Variants in PTBP3 observed in about 807,000 individuals in gnomAD.
PTBP3 encodes polypyrimidine tract binding protein 3, also known as polypyrimidine tract-binding protein 3.
In PTBP3, 20 loss-of-function variants were observed where a neutral mutation model predicts 58.7. That is an observed-to-expected ratio of 0.34 (90% confidence interval 0.24 to 0.50). PTBP3 has a LOEUF of 0.50. PTBP3 is among the 20% of genes least tolerant of loss of function. The pLI, the probability that PTBP3 is intolerant of heterozygous loss-of-function variation, is 0.98. For synonymous variants in PTBP3, 185 were observed against 219.8 expected (o/e 0.84, Z 1.40); for missense variants, 509 against 637.2 (o/e 0.80, Z 2.17).
intron 1 of PTBP3, among the ~76,000 whole-genome samples, chr9:112,322,432 G>A (rs1829993596): frequency 6.6e-6 from 1 of 152,128 alleles, no homozygotes; most frequent in Non-Finnish European, 1.5e-5. Context: ...TAATCAAAAG[G>A]CTATGGAATG....
rs1021868552 is a variant in PTBP3, at chr9:112,231,259, T to G, written c.1054+121A>C. The G allele has an allele frequency of 1.0e-5, 7 of 694,836 alleles. No individual in the cohort carries two copies. In the Admixed American group the frequency reaches 1.1e-4, roughly 11 times the overall value. 43.0% of individuals were successfully genotyped at this position (694,836 alleles called of 1,614,324 possible). The stretch of plus-strand genomic sequence containing the variant: ...TTACTTACTAAGTCTTATTCACTGT[T>G]TTATCCTCAGTGTCAGCACAATACT... On this transcript the variant is annotated intron_variant, in intron 10 of 13. Coordinates refer to ENST00000374257, the MANE Select transcript of PTBP3 (RefSeq NM_001163788.4).
At chr9:112,291,120 G>A (rs1828401134) in intron 2 of PTBP3, among the ~76,000 whole-genome samples, 1 of 151,866 alleles carries the variant, frequency 6.6e-6, no homozygotes, top group Admixed American at 6.6e-5. Context: ...TACTTGGGAG[G>A]CTGAGGCAGG....
chr9:112,288,167 G>A (rs376900328), intron 2 of PTBP3, among the ~76,000 whole-genome samples: 1 of 152,150 alleles, frequency 6.6e-6, no homozygotes, highest in African/African-American at 2.4e-5. Flanking sequence ...TTCAGTCCAT[G>A]TCTCCTCTGG....
At chr9:112,228,856 G>C (rs1835094072) in intron 10 of PTBP3, among the ~76,000 whole-genome samples, 1 of 152,116 alleles carries the variant, frequency 6.6e-6, no homozygotes, top group South Asian at 2.1e-4. Flanking sequence ...AGCACCCATT[G>C]ATTCTATGGT....
chr9:112,265,907 A>G (rs548008329), intron 4 of PTBP3, among the ~76,000 whole-genome samples: 43 of 152,350 alleles, frequency 2.8e-4, no homozygotes, highest in African/African-American at 9.6e-4. Context: ...CCTAATAGAA[A>G]TAAGAACAAC....
At chr9:112,303,406 A>C (rs1313743006) in intron 1 of PTBP3, among the ~76,000 whole-genome samples, 2 of 152,234 alleles carry the variant, frequency 1.3e-5, no homozygotes, top group Non-Finnish European at 2.9e-5. Flanking sequence ...TCAATAACAT[A>C]ATTTTGTCAA....
the PTBP3 span, among the ~76,000 whole-genome samples, chr9:112,345,368 A>AAAG: frequency 9.1e-6 from 1 of 110,440 alleles, no homozygotes; most frequent in East Asian, 2.5e-4. Context: ...AAAAAAAAAA[A>AAAG]AAGGAAAAAA....
At chr9:112,285,524 T>G (rs950174105) in intron 2 of PTBP3, among the ~76,000 whole-genome samples, 3 of 152,192 alleles carry the variant, frequency 2.0e-5, no homozygotes, top group Non-Finnish European at 4.4e-5. Flanking sequence ...GGTTAAAAAT[T>G]TCTATATTAG....
intron 2 of PTBP3, among the ~76,000 whole-genome samples, chr9:112,284,790 T>C (rs998836987): frequency 9.9e-5 from 15 of 152,210 alleles, no homozygotes; most frequent in Non-Finnish European, 1.5e-5. Context: ...TAGGAGCCTA[T>C]GGCCCTTGCG....
Position 112,327,375 on chromosome 9 carries a change from A to G in PTBP3, c.-52+6095T>C, listed in dbSNP as rs545251402. On this transcript the variant is annotated intron_variant, in intron 1 of 13. Coordinates refer to ENST00000374257, the MANE Select transcript of PTBP3 (RefSeq NM_001163788.4). ...GGAGTTCGAGACCAGCCTGGCCAAT[A>G]TGGTGAAACCGTTTCTACTAAAAAT... 2.0e-5 allele frequency among the ~76,000 whole-genome samples: 3 copies of G among 152,198 alleles called. No homozygotes were observed. In the East Asian group the frequency reaches 5.8e-4, roughly 29 times the overall value.
chr9:112,312,014 C>G (rs1829501862), intron 1 of PTBP3, among the ~76,000 whole-genome samples: 1 of 151,964 alleles, frequency 6.6e-6, no homozygotes, highest in African/African-American at 2.4e-5. Flanking sequence ...GACTGAGGAC[C>G]TATTTCAGAT....
the PTBP3 span, among the ~76,000 whole-genome samples, chr9:112,368,580 C>G: frequency 1.3e-5 from 2 of 152,078 alleles, no homozygotes; most frequent in South Asian, 2.1e-4. Context: ...AATATAACTC[C>G]CTTGAGAAAA....
intron 7 of PTBP3, among the ~76,000 whole-genome samples, chr9:112,236,559 G>C (rs760077827): frequency 6.6e-6 from 1 of 152,156 alleles, no homozygotes; most frequent in Non-Finnish European, 1.5e-5. Flanking sequence ...TAAAAACAAA[G>C]TTAAACAATA....
chr9:112,290,270 T>C (rs938306012), intron 2 of PTBP3, among the ~76,000 whole-genome samples: 11 of 152,128 alleles, frequency 7.2e-5, no homozygotes, highest in Non-Finnish European at 1.2e-4. Context: ...ATTAAAAATA[T>C]CCAAATGATC....
At chr9:112,282,209 A>C (rs918012241) in intron 2 of PTBP3, among the ~76,000 whole-genome samples, 6 of 152,194 alleles carry the variant, frequency 3.9e-5, no homozygotes, top group African/African-American at 1.2e-4. Context: ...TTAAGTCAAT[A>C]ATAATACCCT....
At chr9:112,344,651 A>C in the PTBP3 span, among the ~76,000 whole-genome samples, 1 of 152,210 alleles carries the variant, frequency 6.6e-6, no homozygotes, top group Non-Finnish European at 1.5e-5. Context: ...GGAAAGGAAA[A>C]ATAAGTTGCC....
At chr9:112,331,086 C>CACACAA (rs1429525203) in intron 1 of PTBP3, among the ~76,000 whole-genome samples, 1 of 129,544 alleles carries the variant, frequency 7.7e-6, no homozygotes, top group Non-Finnish European at 1.6e-5. Context: ...GAAACGAACA[C>CACACAA]ACACACACAC....
intron 3 of PTBP3, among the ~76,000 whole-genome samples, chr9:112,273,496 T>C (rs1003316068): frequency 3.9e-5 from 6 of 152,224 alleles, no homozygotes; most frequent in African/African-American, 1.4e-4. Context: ...GTTAAGAACA[T>C]ACTCAATTTC....
chr9:112,290,954 G>A (rs1037762504), intron 2 of PTBP3, among the ~76,000 whole-genome samples: 1 of 151,998 alleles, frequency 6.6e-6, no homozygotes, highest in Non-Finnish European at 1.5e-5. Context: ...GGGCACAGTG[G>A]CTCACACCTA....
Sources: allele counts gnomAD v4.1 joint callset (sites outside exome capture counted in the v4.1 genomes callset), GRCh38; gene constraint gnomAD v4.1.1; transcripts MANE v1.5; gene names NCBI Gene and HGNC (gene_info 2026-07-23, HGNC 2026-07-21).